The following KCNT2 variants were observed in gnomAD, a reference collection of about 807,000 sequenced individuals.
KCNT2 encodes the protein potassium sodium-activated channel subfamily T member 2.
KCNT2 carries 67 observed loss-of-function variants against 153.8 expected under a neutral mutation model. That is an observed-to-expected ratio of 0.44 (90% CI 0.36 to 0.53). The LOEUF (loss-of-function observed/expected upper bound fraction) is 0.53. Among genes scored for constraint, KCNT2 ranks in the 20% least tolerant of loss-of-function variants. The pLI is 0.00. For missense variants in KCNT2, 975 were observed against 1,354.8 expected (o/e 0.72, Z 4.40); for synonymous variants, 500 against 458.8 (o/e 1.09, Z -1.15).
chr1:196,373,275 G>T, intron 13 of KCNT2, 27 bp from the exon 14 acceptor site: 47 of 945,744 alleles, frequency 5.0e-5, no homozygotes, highest in Non-Finnish European at 7.7e-5. Context: ...AGGTAAATTA[G>T]AATAATTTAC....
chr1:196,370,709 T>C (rs1010576258), intron 14 of KCNT2, among the ~76,000 whole-genome samples: 8 of 152,110 alleles, frequency 5.3e-5, no homozygotes, highest in Non-Finnish European at 1.0e-4. Flanking sequence ...CTCCTAGATA[T>C]AGACGCAAGA....
chr1:196,461,041 C>A (rs1194029717), intron 8 of KCNT2, among the ~76,000 whole-genome samples: 1 of 151,406 alleles, frequency 6.6e-6, no homozygotes, highest in Admixed American at 6.6e-5. Flanking sequence ...TGAAAAAAAA[C>A]AAAAAACTAG....
intron 8 of KCNT2, among the ~76,000 whole-genome samples, chr1:196,447,431 A>G (rs1675785316): frequency 6.6e-6 from 1 of 151,682 alleles, no homozygotes. Context: ...TCATCATAAC[A>G]TCATCAAGGA....
intron 1 of KCNT2, among the ~76,000 whole-genome samples, chr1:196,590,793 A>G (rs953880329): frequency 2.0e-5 from 3 of 152,132 alleles, no homozygotes; most frequent in Non-Finnish European, 4.4e-5. Flanking sequence ...CCTTACTGAT[A>G]TGGTTGAGAT....
intron 26 of KCNT2, among the ~76,000 whole-genome samples, chr1:196,245,161 G>T (rs1217190539): frequency 6.6e-6 from 1 of 152,118 alleles, no homozygotes; most frequent in Non-Finnish European, 1.5e-5. Context: ...ACCGTGAGTA[G>T]ATATGGCTGC....
chr1:196,342,435 T>C (rs1051414210), intron 14 of KCNT2, among the ~76,000 whole-genome samples: 4 of 145,472 alleles, frequency 2.7e-5, no homozygotes, highest in Admixed American at 2.1e-4. Context: ...TATATATATA[T>C]ATATATATAT....
intron 25 of KCNT2, among the ~76,000 whole-genome samples, chr1:196,268,717 T>G: frequency 6.6e-6 from 1 of 151,916 alleles, no homozygotes. Flanking sequence ...ATGAGAAACC[T>G]CACCCAAAAC....
intron 1 of KCNT2, among the ~76,000 whole-genome samples, chr1:196,497,011 A>G (rs1680313065): frequency 6.6e-6 from 1 of 152,216 alleles, no homozygotes; most frequent in Admixed American, 6.5e-5. Flanking sequence ...GAACTACTGC[A>G]TTTACATTTC....
At chr1:196,437,712 C>A (rs1674852711) in intron 8 of KCNT2, among the ~76,000 whole-genome samples, 1 of 150,784 alleles carries the variant, frequency 6.6e-6, no homozygotes, top group Non-Finnish European at 1.5e-5. Flanking sequence ...ATAATAAAAT[C>A]ATTTATGTAC....
chr1:196,395,046 A>G (rs10801532), intron 13 of KCNT2, among the ~76,000 whole-genome samples: 40,816 of 150,834 alleles, frequency 0.27, 5,922 homozygotes, highest in East Asian at 0.33. Flanking sequence ...ATACTTTACT[A>G]CATTCATTAA....
chr1:196,565,268 G>T (rs1486139302), intron 1 of KCNT2, among the ~76,000 whole-genome samples: 1 of 151,788 alleles, frequency 6.6e-6, no homozygotes, highest in Non-Finnish European at 1.5e-5. Context: ...GATTAGAATG[G>T]TTATTAGCAA....
intron 1 of KCNT2, among the ~76,000 whole-genome samples, chr1:196,574,473 A>G (rs895054023): frequency 6.6e-6 from 1 of 151,896 alleles, no homozygotes; most frequent in Non-Finnish European, 1.5e-5. Flanking sequence ...TAGCAAGGGA[A>G]GACTAAAAAA....
intron 1 of KCNT2, among the ~76,000 whole-genome samples, chr1:196,546,663 C>T (rs1657141396): frequency 6.6e-6 from 1 of 151,922 alleles, no homozygotes; most frequent in Admixed American, 6.6e-5. Flanking sequence ...CCAGTTGTTA[C>T]AAAACCTATT....
intron 25 of KCNT2, among the ~76,000 whole-genome samples, chr1:196,279,777 C>T (rs1340437177): frequency 6.6e-6 from 1 of 151,824 alleles, no homozygotes; most frequent in Non-Finnish European, 1.5e-5. Flanking sequence ...CACCAAGAAG[C>T]AACTCAGAAA....
At chr1:196,414,927 G>A (rs1280883163) in intron 12 of KCNT2, among the ~76,000 whole-genome samples, 5 of 151,906 alleles carry the variant, frequency 3.3e-5, no homozygotes, top group Non-Finnish European at 7.4e-5. Context: ...TAAAATGACA[G>A]TGACACTGGC....
intron 1 of KCNT2, among the ~76,000 whole-genome samples, chr1:196,569,862 G>C (rs1407355214): frequency 6.6e-6 from 1 of 152,042 alleles, no homozygotes; most frequent in Non-Finnish European, 1.5e-5. Flanking sequence ...TATGCTGCTA[G>C]AAATTTCTAT....
intron 1 of KCNT2, among the ~76,000 whole-genome samples, chr1:196,583,253 C>T (rs1662281080): frequency 6.6e-6 from 1 of 152,044 alleles, no homozygotes; most frequent in Non-Finnish European, 1.5e-5. Context: ...CTGTAGTGAA[C>T]CAAGCTTTAA....
chr1:196,285,893 T>A, intron 22 of KCNT2, 135 bp from the exon 23 acceptor site: 1 of 602,822 alleles, frequency 1.7e-6, no homozygotes. Flanking sequence ...ATTACTTCAC[T>A]GATAATCATA....
intron 25 of KCNT2, among the ~76,000 whole-genome samples, chr1:196,278,943 A>T (rs1658833238): frequency 1.3e-5 from 2 of 152,188 alleles, no homozygotes; most frequent in African/African-American, 2.4e-5. Context: ...ATAAAAGAGG[A>T]CTCAGAGAGA....
Sources: allele counts gnomAD v4.1 joint callset (sites outside exome capture counted in the v4.1 genomes callset), GRCh38; gene constraint gnomAD v4.1.1; transcripts MANE v1.5; gene names NCBI Gene and HGNC (gene_info 2026-07-23, HGNC 2026-07-21).